Variants in KCNH1 observed in about 807,000 individuals in gnomAD.
KCNH1 encodes potassium voltage-gated channel subfamily H member 1, also known as voltage-gated delayed rectifier potassium channel KCNH1.
Under a neutral mutation model 69.2 loss-of-function variants are expected in KCNH1, and 27 were observed. That is an observed-to-expected ratio of 0.39 (90% CI 0.29 to 0.54). KCNH1 has a LOEUF of 0.54. KCNH1 is among the 20% of genes least tolerant of loss of function. The probability of loss-of-function intolerance (pLI) is 0.68; values close to 1 mark genes in which losing one functional copy is unlikely to be tolerated. For synonymous variants in KCNH1, 456 were observed against 487.7 expected, an observed-to-expected ratio of 0.93 and a Z score of 0.86; for missense variants, 798 against 1,261.6, an observed-to-expected ratio of 0.63 and a Z score of 5.57.
chr1:211,068,662 G>A (rs186759396), intron 5 of KCNH1, among the ~76,000 whole-genome samples: 10 of 152,300 alleles, frequency 6.6e-5, no homozygotes, highest in Admixed American at 5.2e-4. Context: ...CCAAAGTGCT[G>A]GGATTACAGG....
chr1:210,842,188 A>C (rs556831533), intron 7 of KCNH1, among the ~76,000 whole-genome samples: 5 of 152,192 alleles, frequency 3.3e-5, no homozygotes, highest in Non-Finnish European at 7.4e-5. Flanking sequence ...CATGTTGCTT[A>C]CCTCCCCTAC....
At chr1:210,902,178 G>A (rs1687010964) in intron 7 of KCNH1, among the ~76,000 whole-genome samples, 1 of 152,224 alleles carries the variant, frequency 6.6e-6, no homozygotes, top group Non-Finnish European at 1.5e-5. Flanking sequence ...GCCAGGAGCA[G>A]GTGGTTCCCA....
intron 5 of KCNH1, among the ~76,000 whole-genome samples, chr1:211,030,492 C>T (rs1014129350): frequency 6.6e-6 from 1 of 152,054 alleles, no homozygotes; most frequent in Non-Finnish European, 1.5e-5. Flanking sequence ...ATGGTGCAAA[C>T]GCAATTTGTG....
chr1:210,748,583 T>G (rs1378846646), intron 10 of KCNH1, among the ~76,000 whole-genome samples: 2 of 152,156 alleles, frequency 1.3e-5, no homozygotes, highest in African/African-American at 4.8e-5. Context: ...TAATAATAAC[T>G]CTATCAAAAT....
chr1:211,116,436 C>T (rs114512843), intron 1 of KCNH1, among the ~76,000 whole-genome samples: 2,159 of 152,226 alleles, frequency 0.014, 55 homozygotes, highest in African/African-American at 0.05. Flanking sequence ...GAGTGAGCAC[C>T]ATTTCAAAGC....
At chr1:210,914,020 C>T (rs556617043) in intron 7 of KCNH1, among the ~76,000 whole-genome samples, 1 of 152,216 alleles carries the variant, frequency 6.6e-6, no homozygotes, top group Admixed American at 6.5e-5. Context: ...CATATGGGAT[C>T]CCAATATGAA....
chr1:210,910,911 G>C (rs535364620), intron 7 of KCNH1, among the ~76,000 whole-genome samples: 1 of 152,192 alleles, frequency 6.6e-6, no homozygotes, highest in African/African-American at 2.4e-5. Flanking sequence ...CACATTCATG[G>C]CCATATTACA....
Position 211,131,184 on chromosome 1 carries a change from A to G in KCNH1, c.79+2683T>C, listed in dbSNP as rs73075431. Among the ~76,000 whole-genome samples, 1,317 of 152,216 alleles carry G rather than the reference A, an allele frequency of 8.7e-3. 16 individuals are homozygous for G. Among genetic ancestry groups the G allele is most frequent in the African/African-American group, 0.03 (1,228 of 41,534 alleles). ...TGGGGAAGGAGAGGCAGACTAGATA[A>G]TATTTAAGGTCTGTCTCTTCCCACA... On this transcript the variant is annotated intron_variant, in intron 1 of 10. Coordinates refer to ENST00000271751, the MANE Select transcript of KCNH1 (RefSeq NM_172362.3).
chr1:211,038,414 A>T (rs573257396), intron 5 of KCNH1, among the ~76,000 whole-genome samples: 1 of 152,312 alleles, frequency 6.6e-6, no homozygotes, highest in South Asian at 2.1e-4. Context: ...AATACAGTAA[A>T]TTGGTACCAG....
chr1:210,758,904 C>T (rs1462028786), intron 10 of KCNH1, among the ~76,000 whole-genome samples: 1 of 152,154 alleles, frequency 6.6e-6, no homozygotes, highest in Non-Finnish European at 1.5e-5. Flanking sequence ...CCGGCTCTTA[C>T]TCTTAAGCCA....
intron 4 of KCNH1, 39 bp downstream of exon 4, chr1:211,090,523 A>C: frequency 3.2e-6 from 5 of 1,555,036 alleles, no homozygotes; most frequent in Non-Finnish European, 4.3e-6. Context: ...TAAAGACAAA[A>C]AAGGCATAAA....
rs78411078 is a variant in KCNH1, at chr1:210,897,144, G to T, written c.1462+22496C>A. On this transcript the variant is annotated intron_variant, in intron 7 of 10. Transcript: ENST00000271751. ...CACTAACTCCTCGATAACTCAAAGG[G>T]CAACATAACCACAGTGATCTGGATG... 3.0e-3 allele frequency among the ~76,000 whole-genome samples: 464 copies of T among 152,296 alleles called. 13 individuals carry two copies. The East Asian group carries it at 0.07, about 23-fold the overall frequency.
chr1:210,855,136 A>G (rs1685804284), intron 7 of KCNH1, among the ~76,000 whole-genome samples: 1 of 152,158 alleles, frequency 6.6e-6, no homozygotes, highest in African/African-American at 2.4e-5. Context: ...CTAAAGTTTT[A>G]TCCACTTCAG....
At chr1:210,882,931 A>T (rs1221010753) in intron 7 of KCNH1, among the ~76,000 whole-genome samples, 1 of 152,224 alleles carries the variant, frequency 6.6e-6, no homozygotes, top group African/African-American at 2.4e-5. Context: ...ATACATAGTA[A>T]AAACATAAAA....
chr1:211,030,990 G>A (rs1689772847), intron 5 of KCNH1, among the ~76,000 whole-genome samples: 1 of 152,052 alleles, frequency 6.6e-6, no homozygotes, highest in African/African-American at 2.4e-5. Context: ...TGAAAAAAAT[G>A]TTCAACTCAT....
At chr1:210,701,858 T>C (rs1307820524) in intron 10 of KCNH1, among the ~76,000 whole-genome samples, 4 of 152,130 alleles carry the variant, frequency 2.6e-5, no homozygotes, top group Non-Finnish European at 2.9e-5. Flanking sequence ...TGCTGACCTA[T>C]GGCTATTTAT....
At chr1:210,885,876 G>A (rs943351967) in intron 7 of KCNH1, among the ~76,000 whole-genome samples, 2 of 152,232 alleles carry the variant, frequency 1.3e-5, no homozygotes, top group East Asian at 3.8e-4. Flanking sequence ...ATGTCTGAAA[G>A]AGAGGCAGCA....
intron 7 of KCNH1, among the ~76,000 whole-genome samples, chr1:210,871,656 T>C (rs1686250905): frequency 6.6e-6 from 1 of 152,022 alleles, no homozygotes; most frequent in Admixed American, 6.6e-5. Context: ...CCAATCCAAA[T>C]GTCCAACAAA....
At chr1:210,954,785 T>C (rs1454795777) in intron 6 of KCNH1, among the ~76,000 whole-genome samples, 3 of 152,232 alleles carry the variant, frequency 2.0e-5, no homozygotes, top group Admixed American at 1.3e-4. Context: ...AAGTTCTTTG[T>C]AGATTCTGGA....
Sources: gnomAD v4.1 joint callset for allele counts (sites outside exome capture counted in the v4.1 genomes callset) on GRCh38, gnomAD v4.1.1 for gene constraint, MANE v1.5 for transcripts, NCBI Gene and HGNC (gene_info 2026-07-23, HGNC 2026-07-21) for gene names.